Variants in ERC2 observed in about 807,000 individuals in gnomAD.
ERC2 encodes the protein ERC protein 2.
In ERC2, 42 loss-of-function variants were observed where a neutral mutation model predicts 114.8. The ratio of observed to expected loss-of-function variants is 0.37; its 90% CI spans 0.29 to 0.47. ERC2 has a LOEUF of 0.47. Ranked by LOEUF, ERC2 falls within the 20% of genes least tolerant of loss-of-function variation. The probability of loss-of-function intolerance (pLI) is 0.99; values close to 1 mark genes in which losing one functional copy is unlikely to be tolerated. For missense variants in ERC2, 939 were observed against 1,150.7 expected (o/e 0.82, Z 2.66); for synonymous variants, 454 against 425.5 (o/e 1.07, Z -0.82).
chr3:55,756,100 T>G (rs914672808), intron 14 of ERC2, among the ~76,000 whole-genome samples: 1 of 152,156 alleles, frequency 6.6e-6, no homozygotes, highest in Non-Finnish European at 1.5e-5. Context: ...GTGGCTATAA[T>G]TTGGCAGGCT....
Position 55,883,927 on chromosome 3 carries a change from A to ACAACAACAC in ERC2, c.2564+4461_2564+4462insGTGTTGTTG, listed in dbSNP as rs1190299533. Among the ~76,000 whole-genome samples the ACAACAACAC allele has an allele frequency of 1.6e-4, 23 of 144,666 alleles. 1 individual carries two copies. The highest frequency in any genetic ancestry group is 3.5e-4 in the African/African-American group (13 of 36,620). The allele number at this position is 144,666 out of a possible 152,430, so 94.9% of individuals were successfully genotyped here. A position where few individuals can be genotyped will look rare whatever the true frequency, so the allele number is the denominator to read the frequency against. ...AACAACAACAACAACAACAACAACA[A>ACAACAACAC]CACCACAAAACTGGAGAAATTGGAA... is the stretch of plus-strand genomic sequence containing the variant. On this transcript the variant is annotated intron_variant, in intron 14 of 17. Coordinates refer to ENST00000288221, the MANE Select transcript of ERC2 (RefSeq NM_015576.3).
intron 17 of ERC2, among the ~76,000 whole-genome samples, chr3:55,567,555 C>T (rs1032214691): frequency 2.6e-5 from 4 of 152,000 alleles, no homozygotes; most frequent in Non-Finnish European, 5.9e-5. Flanking sequence ...GGAAGCAGGA[C>T]TCAGCTGGGA....
chr3:56,434,084 G>A, intron 2 of ERC2: 1 of 466,260 alleles, frequency 2.1e-6, no homozygotes, highest in East Asian at 3.4e-5. Flanking sequence ...AAGTACAAAA[G>A]TTAGGCAATG....
intron 2 of ERC2, among the ~76,000 whole-genome samples, chr3:56,366,675 C>A (rs980744910): frequency 6.6e-6 from 1 of 152,122 alleles, no homozygotes; most frequent in African/African-American, 2.4e-5. Context: ...CCCTTTTGTC[C>A]TTCTATTTTG....
At chr3:56,345,253 T>C (rs1410713312) in intron 2 of ERC2, among the ~76,000 whole-genome samples, 3 of 152,180 alleles carry the variant, frequency 2.0e-5, no homozygotes, top group African/African-American at 7.2e-5. Context: ...TTTAATGTGT[T>C]TTGTTCAATC....
intron 14 of ERC2, among the ~76,000 whole-genome samples, chr3:55,736,500 AT>A (rs907162620): frequency 7.2e-5 from 11 of 151,902 alleles, no homozygotes; most frequent in African/African-American, 2.4e-4. Context: ...ACACTACTTC[AT>A]TTTTTTTATA....
chr3:55,886,815 T>C (rs1162749782), intron 14 of ERC2, among the ~76,000 whole-genome samples: 4 of 152,276 alleles, frequency 2.6e-5, no homozygotes, highest in Non-Finnish European at 5.9e-5. Context: ...TTTAACAGTG[T>C]TAATAAATTA....
At chr3:56,290,693 G>A (rs941230437) in intron 3 of ERC2, among the ~76,000 whole-genome samples, 7 of 152,224 alleles carry the variant, frequency 4.6e-5, no homozygotes, top group African/African-American at 1.7e-4. Flanking sequence ...TACAGGACAA[G>A]TTTGAGCCAT....
At chr3:56,435,199 C>A in intron 1 of ERC2, 52 bp from the exon 2 acceptor site, 1 of 565,036 alleles carries the variant, frequency 1.8e-6, no homozygotes, top group Non-Finnish European at 3.1e-6. Flanking sequence ...AGAACTCTAA[C>A]TGCATTGTAT....
At chr3:56,426,387 G>T (rs984654421) in intron 2 of ERC2, among the ~76,000 whole-genome samples, 13 of 152,370 alleles carry the variant, frequency 8.5e-5, no homozygotes, top group African/African-American at 3.1e-4. Context: ...AAGCAGAGCA[G>T]CCTTTCCCAA....
At chr3:55,517,507 A>AT (rs937441321) in intron 17 of ERC2, among the ~76,000 whole-genome samples, 5 of 152,044 alleles carry the variant, frequency 3.3e-5, no homozygotes, top group Admixed American at 2.6e-4. Context: ...TTAAAGAAAT[A>AT]TTTATTTTGC....
intron 1 of ERC2, among the ~76,000 whole-genome samples, chr3:56,451,496 A>G (rs539993907): frequency 2.0e-5 from 3 of 152,312 alleles, no homozygotes; most frequent in African/African-American, 7.2e-5. Flanking sequence ...CCTAAATCTG[A>G]GGTCTCTCAA....
intron 14 of ERC2, among the ~76,000 whole-genome samples, chr3:55,833,107 TGTGAAAAGACCAAATCTACGTCTGATTG>T (rs2060689997): frequency 6.7e-6 from 1 of 149,522 alleles, no homozygotes; most frequent in Admixed American, 6.6e-5. Context: ...TATGGGACTA[TGTGAAAAGACCAAATCTACGTCTGATTG>T]GTGTACCTGA....
intron 17 of ERC2, among the ~76,000 whole-genome samples, chr3:55,667,599 C>T (rs1159337241): frequency 1.3e-5 from 2 of 152,188 alleles, no homozygotes; most frequent in African/African-American, 2.4e-5. Context: ...GGAAGCCCCA[C>T]AGTCAGATGC....
intron 17 of ERC2, among the ~76,000 whole-genome samples, chr3:55,643,887 TG>T (rs1292868637): frequency 6.6e-6 from 1 of 152,198 alleles, no homozygotes; most frequent in Non-Finnish European, 1.5e-5. Context: ...TATAAATATT[TG>T]GTCTCTGAGT....
At chr3:56,050,932 T>C (rs2075733167) in intron 7 of ERC2, among the ~76,000 whole-genome samples, 1 of 152,226 alleles carries the variant, frequency 6.6e-6, no homozygotes, top group Non-Finnish European at 1.5e-5. Context: ...GAAGCAGCTC[T>C]GGAACAGCTC....
Position 55,762,895 on chromosome 3 carries a change from G to C in ERC2, c.2565-27977C>G, listed in dbSNP as rs1170280487. ...TTATTTCACATAGCTCAAGATGACA[G>C]AACCACTGTCCAGTTCAGTTCAACT... is the stretch of plus-strand genomic sequence containing the variant. On this transcript the variant is annotated intron_variant, in intron 14 of 17. Coordinates refer to ENST00000288221, the MANE Select transcript of ERC2 (RefSeq NM_015576.3). Among the ~76,000 whole-genome samples, 11 of 152,208 alleles carry C rather than the reference G, an allele frequency of 7.2e-5. No homozygotes were observed. The East Asian group carries it at 2.1e-3, about 29-fold the overall frequency.
intron 3 of ERC2, among the ~76,000 whole-genome samples, chr3:56,276,243 C>G (rs1416928851): frequency 6.6e-6 from 1 of 152,082 alleles, no homozygotes; most frequent in African/African-American, 2.4e-5. Flanking sequence ...TATCTTATCA[C>G]TGGATGTCAC....
At position 55,950,399 on chromosome 3, in the gene ERC2, G is replaced by A. The variant is rs768801993; in HGVS notation, c.2403+26C>T. The A allele has an allele frequency of 3.2e-5, 52 of 1,611,108 alleles. 1 individual carries two copies. In the South Asian group the frequency reaches 3.3e-4, roughly 10 times the overall value. On this transcript the variant is annotated intron_variant, in intron 13 of 17. Coordinates refer to ENST00000288221, the MANE Select transcript of ERC2 (RefSeq NM_015576.3). The stretch of plus-strand genomic sequence containing the variant: ...GAGAGTCCATCTCTAGTTATTTAGC[G>A]ATTAAGAAGAGAAGCCTGTGCTTAC...
Sources: allele counts gnomAD v4.1 joint callset (sites outside exome capture counted in the v4.1 genomes callset), GRCh38; gene constraint gnomAD v4.1.1; transcripts MANE v1.5; gene names NCBI Gene and HGNC (gene_info 2026-07-23, HGNC 2026-07-21).